Variants in CFAP58 observed in about 807,000 individuals in gnomAD.
CFAP58 encodes cilia and flagella associated protein 58.
CFAP58 carries 88 observed loss-of-function variants against 119.5 expected under a neutral mutation model. The ratio of observed to expected loss-of-function variants is 0.74; its 90% CI spans 0.62 to 0.88. CFAP58 has a LOEUF of 0.88. Among genes scored for constraint, CFAP58 ranks in the 40% least tolerant of loss-of-function variants. The probability of loss-of-function intolerance (pLI) is 0.00; values close to 1 mark genes in which losing one functional copy is unlikely to be tolerated. For synonymous variants in CFAP58, 365 were observed against 366.3 expected (o/e 1.00, Z 0.04); for missense variants, 990 against 1,021.2 (o/e 0.97, Z 0.42).
chr10:104,357,380 G>C (rs1220048875), intron 1 of CFAP58, among the ~76,000 whole-genome samples: 1 of 152,146 alleles, frequency 6.6e-6, no homozygotes, highest in Non-Finnish European at 1.5e-5. Context: ...AAAAATGATG[G>C]AATCTCTTTT....
chr10:104,424,191 G>T (rs953289135), intron 15 of CFAP58, among the ~76,000 whole-genome samples: 1 of 152,140 alleles, frequency 6.6e-6, no homozygotes, highest in African/African-American at 2.4e-5. Context: ...AACAGCCTGG[G>T]AGCTGCCTAT....
chr10:104,409,861 C>CTTGTCT (rs1589926098), intron 15 of CFAP58, among the ~76,000 whole-genome samples: 1 of 96,204 alleles, frequency 1.0e-5, no homozygotes, highest in Non-Finnish European at 2.1e-5. Context: ...AAAAAAAAAT[C>CTTGTCT]TTATCTTTGT....
At chr10:104,422,334 A>G (rs2012673147) in intron 15 of CFAP58, among the ~76,000 whole-genome samples, 1 of 152,200 alleles carries the variant, frequency 6.6e-6, no homozygotes, top group African/African-American at 2.4e-5. Context: ...GCAGTCTCTC[A>G]CTTTCCTTCC....
rs73335193 is a variant in CFAP58 at position 104,431,899 on chromosome 10, C to A, written c.2257-15799C>A. ...CAACGTTATATTTTTGAGACCTATC[C>A]TTGATACACATCAAAGATAAAAATA... On this transcript the variant is annotated intron_variant, in intron 15 of 17. Transcript: ENST00000369704. Among the ~76,000 whole-genome samples, 1,435 of 152,236 alleles carry A rather than the reference C, an allele frequency of 9.4e-3. 24 individuals are homozygous for A. Among genetic ancestry groups the A allele is most frequent in the African/African-American group, 0.033 (1,372 of 41,540 alleles).
At chr10:104,390,805 G>A (rs1227516809) in intron 9 of CFAP58, among the ~76,000 whole-genome samples, 1 of 152,056 alleles carries the variant, frequency 6.6e-6, no homozygotes, top group Non-Finnish European at 1.5e-5. Context: ...TTAAATTGTG[G>A]CACATGGAAC....
chr10:104,342,254 C>T, the CFAP58 span, among the ~76,000 whole-genome samples: 1 of 152,102 alleles, frequency 6.6e-6, no homozygotes, highest in South Asian at 2.1e-4. Context: ...TACATTGTTG[C>T]CAACATTGGC....
Position 104,370,922 on chromosome 10 carries a change from C to A in CFAP58, c.958C>A (p.Arg320Ser), listed in dbSNP as rs369817203. ...CAAAGAGGAAGAAGTCCATCAAATG[C>A]GCCTTGACATCGGGAAGCTCAACAA... ...KAKEEEVHQM[R>S]LDIGKLNKIR... Residue 320 changes from arginine (R) to serine (S), a missense_variant, in exon 7 of 18, where the codon CGC becomes AGC. By Grantham distance (110) the Arg-to-Ser change is moderately radical. Transcript: ENST00000369704. 15 of 1,612,576 alleles carry A rather than the reference C, an allele frequency of 9.3e-6. No individual in the cohort carries two copies. In the East Asian group the frequency reaches 3.3e-4, roughly 36 times the overall value.
chr10:104,415,599 T>A (rs1037444115), intron 15 of CFAP58, among the ~76,000 whole-genome samples: 6 of 152,094 alleles, frequency 3.9e-5, no homozygotes, highest in African/African-American at 1.4e-4. Context: ...ACCAGGCATG[T>A]CAGCTCAAAA....
In CFAP58 at chr10:104,365,816, C is replaced by T; in HGVS notation, c.600C>T (p.Phe200=). Reference sequence around the variant, plus strand: ...CTTGTCCTTTCCGCAACCTCTAGTTCCAACAAGAAATCCAGCAACGTCAGA... The same window carrying T: ...CTTGTCCTTTCCGCAACCTCTAGTTTCAACAAGAAATCCAGCAACGTCAGA... The part of the protein sequence containing the change: ...KEEAEHAISQ[F]QQEIQQRQNE... The change falls in exon 5 of 18, where the codon TTC becomes TTT. Residue 200 remains phenylalanine (F), a splice_region_variant and synonymous_variant. Coordinates refer to ENST00000369704, the MANE Select transcript of CFAP58 (RefSeq NM_001008723.2). 1.2e-6 allele frequency: 2 copies of T among 1,608,426 alleles called. No individual in the cohort carries two copies. The highest frequency in any genetic ancestry group is 2.2e-5 in the South Asian group (2 of 90,328).
chr10:104,358,037 A>T (rs568116067), intron 1 of CFAP58, among the ~76,000 whole-genome samples: 1 of 145,188 alleles, frequency 6.9e-6, no homozygotes, highest in Non-Finnish European at 1.5e-5. Context: ...ATACATATGT[A>T]CATATACACA....
At chr10:104,375,803 A>C (rs2133005361) in intron 7 of CFAP58, among the ~76,000 whole-genome samples, 1 of 152,216 alleles carries the variant, frequency 6.6e-6, no homozygotes, top group Non-Finnish European at 1.5e-5. Context: ...GGGGGCTTCC[A>C]TGCTATAGGT....
intron 9 of CFAP58, among the ~76,000 whole-genome samples, chr10:104,390,158 C>T (rs78306452): frequency 6.6e-6 from 1 of 152,304 alleles, no homozygotes; most frequent in African/African-American, 2.4e-5. Flanking sequence ...TGCACAAGTG[C>T]ATGAGAATAC....
In CFAP58 at chr10:104,454,861, T is replaced by C. The variant is rs1241862850; in HGVS notation, c.*331T>C. The C allele has an allele frequency of 5.2e-6, 1 of 191,114 alleles. No individual in the cohort carries two copies. The highest frequency in any genetic ancestry group is 1.1e-5 in the Non-Finnish European group (1 of 94,298). 11.8% of individuals were successfully genotyped at this position (191,114 alleles called of 1,614,324 possible). A position where few individuals can be genotyped will look rare whatever the true frequency, so the allele number is the denominator to read the frequency against. On this transcript the variant is annotated 3_prime_UTR_variant, in exon 18 of 18. Coordinates refer to ENST00000369704, the MANE Select transcript of CFAP58 (RefSeq NM_001008723.2). ...TACTTGAAGGTTTTATATTTAAAAG[T>C]ATTTTTGAAATGCAATGTGTCCCCT...
At chr10:104,341,845 TA>T in the CFAP58 span, among the ~76,000 whole-genome samples, 1 of 152,158 alleles carries the variant, frequency 6.6e-6, no homozygotes, top group Non-Finnish European at 1.5e-5. Flanking sequence ...TGTAACATGG[TA>T]AAAACAAAGG....
At chr10:104,338,623 A>G in the CFAP58 span, among the ~76,000 whole-genome samples, 1 of 152,164 alleles carries the variant, frequency 6.6e-6, no homozygotes, top group Non-Finnish European at 1.5e-5. Flanking sequence ...CTTCCCCGGC[A>G]CGGCAGAACT....
At chr10:104,362,763 A>G (rs546705809) in intron 3 of CFAP58, among the ~76,000 whole-genome samples, 4 of 152,228 alleles carry the variant, frequency 2.6e-5, no homozygotes, top group South Asian at 4.1e-4. Context: ...TCTTTATTCC[A>G]TCATTGCTAC....
intron 11 of CFAP58, 71 bp from the exon 12 acceptor site, chr10:104,399,289 A>G: frequency 1.3e-6 from 2 of 1,541,838 alleles, no homozygotes; most frequent in Non-Finnish European, 1.8e-6. Flanking sequence ...GTACATCTGA[A>G]TCCGGGCCCT....
At chr10:104,439,336 A>G (rs1043172455) in intron 15 of CFAP58, among the ~76,000 whole-genome samples, 2 of 152,204 alleles carry the variant, frequency 1.3e-5, no homozygotes, top group African/African-American at 4.8e-5. Flanking sequence ...TGTGCACTAT[A>G]GTAGTCAGAT....
chr10:104,379,877 C>G (rs1218662964), intron 8 of CFAP58, 152 bp from the exon 9 acceptor site: 6 of 725,932 alleles, frequency 8.3e-6, no homozygotes, highest in Admixed American at 2.6e-5. Context: ...ATTAGCATAA[C>G]AAACTCTTAA....
Sources: allele counts gnomAD v4.1 joint callset (sites outside exome capture counted in the v4.1 genomes callset), GRCh38; gene constraint gnomAD v4.1.1; transcripts MANE v1.5; gene names NCBI Gene and HGNC (gene_info 2026-07-23, HGNC 2026-07-21).